IPO5: variants seen among roughly 807,000 people sequenced by gnomAD.
The protein encoded by IPO5 is importin-5.
In IPO5, 18 loss-of-function variants were observed where a neutral mutation model predicts 143.3. The ratio of observed to expected loss-of-function variants is 0.13; its 90% CI spans 0.09 to 0.19. The LOEUF (loss-of-function observed/expected upper bound fraction) is 0.19, where lower values mean the gene tolerates loss of function less well. IPO5 is among the 10% of genes least tolerant of loss of function. IPO5 has a pLI of 1.00. For missense variants in IPO5, 1,013 were observed against 1,336.9 expected, an observed-to-expected ratio of 0.76 and a Z score of 3.78; for synonymous variants, 477 against 465.7, an observed-to-expected ratio of 1.02 and a Z score of -0.31.
chr13:97,976,631 C>T, intron 3 of IPO5, 62 bp from the exon 4 acceptor site: 1 of 744,102 alleles, frequency 1.3e-6, no homozygotes, highest in Non-Finnish European at 1.9e-6. Flanking sequence ...CCGCCCCTCC[C>T]GCGGCCCGCG....
intron 3 of IPO5, among the ~76,000 whole-genome samples, chr13:97,972,233 C>T (rs1446000778): frequency 6.6e-6 from 1 of 152,180 alleles, no homozygotes; most frequent in Non-Finnish European, 1.5e-5. Context: ...CAGCACTCTG[C>T]AAACCAGAAA....
Position 98,019,708 on chromosome 13 carries a change from C to T in IPO5, c.2964C>T (p.Asn988=). The T allele has an allele frequency of 6.2e-7, 1 of 1,613,740 alleles. No homozygotes were observed. Among genetic ancestry groups the T allele is most frequent in the Non-Finnish European group, 8.5e-7 (1 of 1,179,636 alleles). Residue 988 remains asparagine, a synonymous_variant, in exon 27 of 29, where the codon AAC becomes AAT. Transcript: ENST00000651721. ...KIMKFKPDCV[N]VEEVLPHWLS... ...TGAAGTTCAAGCCTGACTGTGTAAA[C>T]GTTGAAGAGGTCCTTCCACACTGGT...
At chr13:97,959,231 C>T (rs1884683192) in intron 2 of IPO5, among the ~76,000 whole-genome samples, 1 of 151,926 alleles carries the variant, frequency 6.6e-6, no homozygotes, top group South Asian at 2.1e-4. Context: ...GCCCTAGTAG[C>T]AGAACATGCT....
rs759865948 is a variant in IPO5 at position 97,989,146 on chromosome 13, C to A, written c.449C>A (p.Ala150Asp). The change falls in exon 7 of 29, where the codon GCT (alanine) becomes GAT (aspartate). Residue 150 changes from alanine (A) to aspartate (D), a missense_variant. Coordinates refer to ENST00000651721, the MANE Select transcript of IPO5 (RefSeq NM_002271.6). ...TCTCAAAATGTGGGACTGCGGGAAG[C>A]TGCCCTTCACATTTTCTGGTATATA... ...VSSQNVGLRE[A>D]ALHIFWNFPG... 8 of 1,608,550 alleles carry A rather than the reference C, an allele frequency of 5.0e-6. No individual in the cohort carries two copies. The highest frequency in any genetic ancestry group is 6.8e-6 in the Non-Finnish European group (8 of 1,175,080).
At chr13:97,974,172 T>C (rs1886063091) in intron 3 of IPO5, among the ~76,000 whole-genome samples, 1 of 152,202 alleles carries the variant, frequency 6.6e-6, no homozygotes, top group African/African-American at 2.4e-5. Context: ...TACAGACTCA[T>C]TGCCAATAGA....
At chr13:97,976,663 C>T (rs1359933257) in intron 3 of IPO5, 30 bp from the exon 4 acceptor site, 16 of 1,161,860 alleles carry the variant, frequency 1.4e-5, no homozygotes, top group Non-Finnish European at 1.7e-5. Context: ...CGGCTCCTGT[C>T]TCCCCTCCCT....
intron 5 of IPO5, among the ~76,000 whole-genome samples, chr13:97,984,937 G>A (rs749554230): frequency 3.3e-5 from 5 of 150,892 alleles, no homozygotes; most frequent in East Asian, 1.9e-4. Flanking sequence ...TTTAGGTATC[G>A]GGAACTCGTA....
chr13:98,001,493 TTCGAGACAGAA>T (rs1343626269), intron 13 of IPO5, among the ~76,000 whole-genome samples: 4 of 152,112 alleles, frequency 2.6e-5, no homozygotes, highest in Admixed American at 2.6e-4. Flanking sequence ...GCCCAGCTAT[TTCGAGACAGAA>T]TCCCACTCTG....
In IPO5 at chr13:97,994,679, G is replaced by A. The variant is rs543354991; in HGVS notation, c.913+1454G>A. Among the ~76,000 whole-genome samples, 17 of 152,298 alleles carry A rather than the reference G, an allele frequency of 1.1e-4. No homozygotes were observed. The East Asian group carries it at 2.9e-3, about 26-fold the overall frequency. ...CTGGAGTAGCCAAGACAATTTTGACGAATAAAGTGGAGATCTTGTTTCATC... is the reference window on the plus strand; with the variant it reads ...CTGGAGTAGCCAAGACAATTTTGACAAATAAAGTGGAGATCTTGTTTCATC... On this transcript the variant is annotated intron_variant, in intron 11 of 28. Coordinates refer to ENST00000651721, the MANE Select transcript of IPO5 (RefSeq NM_002271.6).
At chr13:98,010,916 G>A (rs1889662379) in intron 20 of IPO5, among the ~76,000 whole-genome samples, 1 of 150,134 alleles carries the variant, frequency 6.7e-6, no homozygotes, top group African/African-American at 2.5e-5. Context: ...GAGTAGCTGG[G>A]ATTACAGGCG....
At position 98,021,884 on chromosome 13, in the gene IPO5, GT is replaced by G; in HGVS notation, c.*65del. 1 of 1,196,624 alleles carries G rather than the reference GT, an allele frequency of 8.4e-7. No individual in the cohort carries two copies. The highest frequency in any genetic ancestry group is 1.2e-6 in the Non-Finnish European group (1 of 823,912). The allele number at this position is 1,196,624 out of a possible 1,614,324, so 74.1% of individuals were successfully genotyped here. ...AATAAACGCTTACCCTTTCCTTTAG[GT>G]TTCTTTGTTTTGTTTTTGAGCAAAA... On this transcript the variant is annotated 3_prime_UTR_variant, in exon 29 of 29. Transcript: ENST00000651721.
At chr13:98,013,961 A>G in intron 21 of IPO5, 81 bp from the exon 22 acceptor site, 2 of 1,226,386 alleles carry the variant, frequency 1.6e-6, no homozygotes, top group African/African-American at 1.5e-5. Context: ...GAAGTTGCCT[A>G]GCACTCCTTT....
intron 5 of IPO5, among the ~76,000 whole-genome samples, chr13:97,984,011 C>T (rs1887105738): frequency 9.4e-6 from 1 of 106,660 alleles, no homozygotes; most frequent in Non-Finnish European, 1.7e-5. Flanking sequence ...CGGAGTCTCG[C>T]TCTGTCGCCC....
chr13:97,973,236 C>T (rs965321848), intron 3 of IPO5, among the ~76,000 whole-genome samples: 7 of 151,724 alleles, frequency 4.6e-5, no homozygotes, highest in African/African-American at 1.2e-4. Context: ...CTAGTAGAGA[C>T]GGGGTCTCGC....
At chr13:97,975,995 A>T in intron 3 of IPO5, 1 of 983,280 alleles carries the variant, frequency 1.0e-6, no homozygotes, top group Non-Finnish European at 1.2e-6. Context: ...CCGTGAGTAG[A>T]AGGTACGTAG....
Position 98,023,453 on chromosome 13 carries a change from A to G in IPO5, c.*1631A>G, listed in dbSNP as rs1053777141. The G allele has an allele frequency of 3.9e-5, 6 of 152,188 alleles. No homozygotes were observed. The highest frequency in any genetic ancestry group is 1.2e-4 in the African/African-American group (5 of 41,444). 9.4% of individuals were successfully genotyped at this position (152,188 alleles called of 1,614,324 possible). On this transcript the variant is annotated 3_prime_UTR_variant, in exon 29 of 29. Transcript: ENST00000651721. The stretch of plus-strand genomic sequence containing the variant: ...GTACTGATGCCAATCAGCTAGAGCA[A>G]TGTAGGCTTTTTTTAATTTAAATTA...
chr13:97,983,602 A>G (rs1479566991), intron 5 of IPO5, among the ~76,000 whole-genome samples: 2 of 133,492 alleles, frequency 1.5e-5, no homozygotes, highest in Non-Finnish European at 3.1e-5. Flanking sequence ...ATGCCATTGA[A>G]TATCTGTTTA....
chr13:97,998,645 T>G (rs1036920760), intron 12 of IPO5, among the ~76,000 whole-genome samples: 1 of 152,310 alleles, frequency 6.6e-6, no homozygotes, highest in South Asian at 2.1e-4. Context: ...GCCCCTTACA[T>G]GTATGTGAAA....
At chr13:98,012,572 C>T (rs1186983120) in intron 21 of IPO5, among the ~76,000 whole-genome samples, 2 of 152,014 alleles carry the variant, frequency 1.3e-5, no homozygotes, top group African/African-American at 4.8e-5. Flanking sequence ...TTTCTGTGGC[C>T]CACTTAAGGA....
Sources: allele counts gnomAD v4.1 joint callset (sites outside exome capture counted in the v4.1 genomes callset), GRCh38; gene constraint gnomAD v4.1.1; transcripts MANE v1.5; gene names NCBI Gene and HGNC (gene_info 2026-07-23, HGNC 2026-07-21).